PAG1: variants seen among roughly 807,000 people sequenced by gnomAD.
The protein encoded by PAG1 is phosphoprotein associated with glycosphingolipid-enriched microdomains 1.
A neutral mutation model predicts 31.7 loss-of-function variants in PAG1; 23 were observed. The observed-to-expected ratio is 0.73, with a 90% confidence interval of 0.52 to 1.03. The LOEUF (loss-of-function observed/expected upper bound fraction) is 1.03. Ranked by LOEUF, PAG1 falls within the 50% of genes least tolerant of loss-of-function variation. The pLI, the probability that PAG1 is intolerant of heterozygous loss-of-function variation, is 0.00. For missense variants in PAG1, 473 were observed against 540.7 expected (o/e 0.87, Z 1.24); for synonymous variants, 214 against 210.3 (o/e 1.02, Z -0.15).
intron 2 of PAG1, among the ~76,000 whole-genome samples, chr8:81,061,227 A>G (rs1369647300): frequency 6.6e-6 from 1 of 152,204 alleles, no homozygotes; most frequent in African/African-American, 2.4e-5. Context: ...CAGTACTAAA[A>G]AAGGAAGCTA....
intron 1 of PAG1, among the ~76,000 whole-genome samples, chr8:81,079,062 C>G (rs1809222502): frequency 6.6e-6 from 1 of 152,120 alleles, no homozygotes; most frequent in Non-Finnish European, 1.5e-5. Context: ...CAGGACTCAA[C>G]CTTTGCAGGC....
rs1807531069 is a variant in PAG1, at chr8:80,990,845, C to T, written c.177+634G>A. On this transcript the variant is annotated intron_variant, in intron 5 of 8. Coordinates refer to ENST00000220597, the MANE Select transcript of PAG1 (RefSeq NM_018440.4). This position sits in a 1 kb window ranked among gnomAD's most constrained non-coding sequence, Gnocchi z 5.1. ...ATGTCCAAGTCCTAACCCCCAGCAC[C>T]TGAGAATATGGTCTCATTTGGAAAT... Among the ~76,000 whole-genome samples the T allele has an allele frequency of 6.6e-6, 1 of 152,170 alleles. No homozygotes were observed. Among genetic ancestry groups the T allele is most frequent in the Non-Finnish European group, 1.5e-5 (1 of 68,026 alleles).
intron 1 of PAG1, among the ~76,000 whole-genome samples, chr8:81,097,354 T>G (rs567052743): frequency 6.6e-6 from 1 of 151,988 alleles, no homozygotes; most frequent in African/African-American, 2.4e-5. Flanking sequence ...TAAGGTGAGG[T>G]TGTCAGCTTC....
chr8:81,044,125 T>C (rs1379221201), intron 2 of PAG1, among the ~76,000 whole-genome samples: 1 of 152,194 alleles, frequency 6.6e-6, no homozygotes. Flanking sequence ...AATGCAAATA[T>C]TAACACTTGA....
intron 2 of PAG1, among the ~76,000 whole-genome samples, chr8:81,035,507 G>A (rs1054422115): frequency 8.5e-5 from 13 of 152,210 alleles, no homozygotes; most frequent in African/African-American, 3.1e-4. Context: ...TACTGTGGGC[G>A]AGGCACAGAG....
chr8:81,070,763 T>C (rs1809079902), intron 1 of PAG1, among the ~76,000 whole-genome samples: 2 of 152,234 alleles, frequency 1.3e-5, no homozygotes, highest in Non-Finnish European at 1.5e-5. Context: ...TTTGTTAACA[T>C]GGCTTCTTAT....
chr8:81,010,477 T>C (rs1002268068), intron 3 of PAG1, among the ~76,000 whole-genome samples: 1 of 152,234 alleles, frequency 6.6e-6, no homozygotes, highest in African/African-American at 2.4e-5. Flanking sequence ...TTTTCAAATA[T>C]AAAAATTTCA....
chr8:81,084,912 A>G (rs949341227), intron 1 of PAG1, among the ~76,000 whole-genome samples: 1 of 152,248 alleles, frequency 6.6e-6, no homozygotes, highest in Non-Finnish European at 1.5e-5. Flanking sequence ...ATACATTAAG[A>G]TGAAGTCCGT....
Position 80,976,626 on chromosome 8 carries a change from C to T in PAG1, c.1217G>A (p.Gly406Asp), listed in dbSNP as rs1563612412. 3 of 1,613,978 alleles carry T rather than the reference C, an allele frequency of 1.9e-6. No homozygotes were observed. The highest frequency in any genetic ancestry group is 1.7e-5 in the Admixed American group (1 of 60,000). The change falls in exon 9 of 9, where the codon GGC (glycine) becomes GAC (aspartate). Residue 406 changes from glycine (G) to aspartate (D), a missense_variant. Gly to Asp is a moderately conservative substitution (Grantham distance 94). Transcript: ENST00000220597. Reference sequence around the variant, plus strand: ...CTCCTTTGGGACGAGACCGTGGTGGCCATTGGTCCCCAGGGTGGCCTTTTC... The same window carrying T: ...CTCCTTTGGGACGAGACCGTGGTGGTCATTGGTCCCCAGGGTGGCCTTTTC... ...EEEKATLGTNGHHGLVPKEND... is the reference protein window; with the variant it reads ...EEEKATLGTNDHHGLVPKEND...
intron 4 of PAG1, 109 bp downstream of exon 4, chr8:80,992,994 G>A (rs1490485311): frequency 3.2e-6 from 3 of 925,278 alleles, no homozygotes; most frequent in Non-Finnish European, 3.2e-6. Flanking sequence ...CAAGTTTCTG[G>A]GACGGCTCTG....
intron 1 of PAG1, among the ~76,000 whole-genome samples, chr8:81,075,847 T>C (rs760205020): frequency 1.3e-5 from 2 of 152,238 alleles, no homozygotes; most frequent in South Asian, 2.1e-4. Context: ...AAATATTATA[T>C]GTGCCTACTT....
intron 1 of PAG1, among the ~76,000 whole-genome samples, chr8:81,107,557 T>A (rs1809713174): frequency 6.6e-6 from 1 of 152,164 alleles, no homozygotes; most frequent in Non-Finnish European, 1.5e-5. Flanking sequence ...AGGCCTCAGT[T>A]GTCACTTCCA....
chr8:80,979,421 G>C (rs1257400400), intron 8 of PAG1, among the ~76,000 whole-genome samples: 1 of 152,164 alleles, frequency 6.6e-6, no homozygotes, highest in African/African-American at 2.4e-5. Flanking sequence ...AGGTGCAACT[G>C]ATGGGTCTTG....
chr8:81,007,006 T>G (rs1272884947), intron 3 of PAG1, among the ~76,000 whole-genome samples: 2 of 152,154 alleles, frequency 1.3e-5, no homozygotes, highest in Non-Finnish European at 2.9e-5. Context: ...AGTCTTCAGG[T>G]TGTACAATGA....
At chr8:81,062,087 C>T (rs751481883) in intron 2 of PAG1, among the ~76,000 whole-genome samples, 1 of 152,162 alleles carries the variant, frequency 6.6e-6, no homozygotes, top group African/African-American at 2.4e-5. Context: ...TACAATCCAG[C>T]CACTCTTGAC....
chr8:81,023,059 C>T (rs1223972949), intron 3 of PAG1, among the ~76,000 whole-genome samples: 1 of 152,004 alleles, frequency 6.6e-6, no homozygotes, highest in African/African-American at 2.4e-5. Context: ...TTTTGCAAAC[C>T]TCCATGGAAG....
intron 7 of PAG1, among the ~76,000 whole-genome samples, chr8:80,981,381 G>A (rs752766645): frequency 1.8e-4 from 27 of 151,976 alleles, no homozygotes; most frequent in Non-Finnish European, 2.2e-4. Flanking sequence ...CCAATCATAC[G>A]TGAACTCAAC....
intron 2 of PAG1, among the ~76,000 whole-genome samples, chr8:81,032,468 CAACAT>C (rs1808391991): frequency 6.6e-6 from 1 of 152,144 alleles, no homozygotes; most frequent in East Asian, 1.9e-4. Context: ...CTCAACATCA[CAACAT>C]AAGTAGCCAT....
rs143273397 is a variant in PAG1, at chr8:80,984,466, T to G, written c.876+310A>C. Among the ~76,000 whole-genome samples the G allele has an allele frequency of 1.6e-3, 248 of 152,266 alleles. 6 individuals carry two copies. In the East Asian group the frequency reaches 0.041, roughly 25 times the overall value. ...GAATGGGTAAAATGTGTGGGCAAAGTGTCCAGTTTCTGTATTTAATTTGTG... is the reference window on the plus strand; with the variant it reads ...GAATGGGTAAAATGTGTGGGCAAAGGGTCCAGTTTCTGTATTTAATTTGTG... On this transcript the variant is annotated intron_variant, in intron 7 of 8. Transcript: ENST00000220597.
Sources: allele counts gnomAD v4.1 joint callset (sites outside exome capture counted in the v4.1 genomes callset), GRCh38; gene constraint gnomAD v4.1.1; non-coding constraint Gnocchi (gnomAD v3.1); transcripts MANE v1.5; gene names NCBI Gene and HGNC (gene_info 2026-07-23, HGNC 2026-07-21).